SREBF1: variants seen among roughly 807,000 people sequenced by gnomAD.
SREBF1 encodes sterol regulatory element-binding protein 1.
In SREBF1, 45 loss-of-function variants were observed where a neutral mutation model predicts 100.1. That is an observed-to-expected ratio of 0.45 (90% confidence interval 0.35 to 0.58). SREBF1 has a LOEUF of 0.58. Ranked by LOEUF, SREBF1 falls within the 20% of genes least tolerant of loss-of-function variation. The pLI is 0.00. For missense variants in SREBF1, 1,324 were observed against 1,539.4 expected (o/e 0.86, Z 2.34); for synonymous variants, 657 against 681.8 (o/e 0.96, Z 0.57).
chr17:17,818,422 C>A, intron 5 of SREBF1, 48 bp from the exon 6 acceptor site: 1 of 1,476,764 alleles, frequency 6.8e-7, no homozygotes, highest in South Asian at 1.1e-5. Flanking sequence ...CCTGTCAGGT[C>A]GGGGGTTGTG....
In SREBF1 at chr17:17,816,869, G is replaced by A. The variant is rs2033647119; in HGVS notation, c.1785+89C>T. ...GGAGGACGGGACAGATTCATGGTGTGCACAGGGAGCAGGAACAAGGGTTGA... is the reference window on the plus strand; with the variant it reads ...GGAGGACGGGACAGATTCATGGTGTACACAGGGAGCAGGAACAAGGGTTGA... On this transcript the variant is annotated intron_variant, in intron 9 of 18. Coordinates refer to ENST00000261646, the MANE Select transcript of SREBF1 (RefSeq NM_004176.5). 3 of 1,596,612 alleles carry A rather than the reference G, an allele frequency of 1.9e-6. No homozygotes were observed. The Admixed American group carries it at 5.0e-5, about 27-fold the overall frequency.
chr17:17,823,841 G>A (rs1166554642), intron 1 of SREBF1, among the ~76,000 whole-genome samples: 2 of 151,936 alleles, frequency 1.3e-5, no homozygotes, highest in Admixed American at 1.3e-4. Context: ...GGCGGCGGGG[G>A]CTCGAGTTTC....
intron 1 of SREBF1, among the ~76,000 whole-genome samples, chr17:17,823,906 G>T (rs1046600843): frequency 1.3e-5 from 2 of 152,014 alleles, no homozygotes; most frequent in African/African-American, 4.8e-5. Context: ...CCTTTAACCC[G>T]CTCGGTGCCA....
rs1184327590 is a variant in SREBF1 at position 17,817,496 on chromosome 17, G to A, written c.1405-39C>T. ...GCAGGGTGGTGAGGGCAGAATCGGA[G>A]GGACCCCAGAGAGCATGGGGCTGGG... On this transcript the variant is annotated intron_variant, in intron 7 of 18. Coordinates refer to ENST00000261646, the MANE Select transcript of SREBF1 (RefSeq NM_004176.5). The surrounding 1 kb of genome is among the most constrained non-coding windows in gnomAD (Gnocchi z 6.6). 4 of 1,559,734 alleles carry A rather than the reference G, an allele frequency of 2.6e-6. No individual in the cohort carries two copies. Among genetic ancestry groups the A allele is most frequent in the Middle Eastern group, 1.7e-4 (1 of 6,022 alleles).
rs565300608 is a variant in SREBF1, at chr17:17,836,901, C to T, written c.-84G>A. The T allele has an allele frequency of 1.0e-5, 13 of 1,287,076 alleles. No individual in the cohort carries two copies. The highest frequency in any genetic ancestry group is 9.0e-5 in the East Asian group (3 of 33,188). 79.7% of individuals were successfully genotyped at this position (1,287,076 alleles called of 1,614,324 possible). On this transcript the variant is annotated 5_prime_UTR_variant, in exon 1 of 19. Coordinates refer to ENST00000261646, the MANE Select transcript of SREBF1 (RefSeq NM_004176.5). ...AGGGAGCGCCGCCGCGGCCCCGGCT[C>T]TCAGTCGCCGCCGCCGCTCCGCGCG...
chr17:17,825,685 G>A (rs1192730317), intron 1 of SREBF1, among the ~76,000 whole-genome samples: 3 of 144,968 alleles, frequency 2.1e-5, no homozygotes, highest in African/African-American at 7.8e-5. Context: ...TCAGCTCACT[G>A]CAACCTCTAC....
chr17:17,812,656 C>T lies in SREBF1; in HGVS notation c.3410G>A (p.Arg1137His), dbSNP rs1443125749. The stretch of plus-strand genomic sequence containing the variant: ...AGTGACAGTGGTCCCACCGCCCAGG[C>T]GCATGAGCATCTGCTGACAGTCGTG... The part of the protein sequence containing the change: ...LLHDCQQMLM[R>H]LGGGTTVTSS The change falls in exon 19 of 19, where the codon CGC (arginine) becomes CAC (histidine). Residue 1137 changes from arginine to histidine, a missense_variant. By Grantham distance (29) the Arg-to-His change is conservative (BLOSUM62 0). Transcript: ENST00000261646. 1 of 1,608,252 alleles carries T rather than the reference C, an allele frequency of 6.2e-7. No homozygotes were observed. The highest frequency in any genetic ancestry group is 1.1e-5 in the South Asian group (1 of 90,106).
At position 17,819,331 on chromosome 17, in the gene SREBF1, CT is replaced by C; in HGVS notation, c.834del (p.Pro280LeufsTer6). On this transcript the variant is annotated frameshift_variant, in exon 4 of 19. Transcript: ENST00000261646. LOFTEE classifies it high-confidence loss of function. Reference protein sequence around the residue: ...SPLVSGTTVQTGPLPTLVSGG... With the variant: ...SPLVSGTTVQXGPLPTLVSGG... Reference sequence around the variant, plus strand: ...CCCACGTCACCCACCGGCAAAGGCCCTGTCTGCACAGTGGTGCCAGAGACCA... The same window carrying C: ...CCCACGTCACCCACCGGCAAAGGCCCGTCTGCACAGTGGTGCCAGAGACCA... 1 of 1,613,836 alleles carries C rather than the reference CT, an allele frequency of 6.2e-7. No homozygotes were observed. The highest frequency in any genetic ancestry group is 1.6e-4 in the Middle Eastern group (1 of 6,062).
At chr17:17,833,343 C>T (rs1286119069) in intron 1 of SREBF1, among the ~76,000 whole-genome samples, 2 of 140,176 alleles carry the variant, frequency 1.4e-5, no homozygotes, top group African/African-American at 5.5e-5. Flanking sequence ...ACTGTTTGAA[C>T]CTGGGAGGCG....
rs996966698 is a variant in SREBF1 at position 17,825,190 on chromosome 17, A to C, written c.92-4669T>G. 2.9e-4 allele frequency among the ~76,000 whole-genome samples: 44 copies of C among 152,222 alleles called. 1 individual carries two copies. Among genetic ancestry groups the C allele is most frequent in the Non-Finnish European group, 2.2e-4 (15 of 68,042 alleles). On this transcript the variant is annotated intron_variant, in intron 1 of 18. Transcript: ENST00000261646. Reference sequence around the variant, plus strand: ...CAACAAGCAGATACTAGCCTGAGACAGCAGGGCCAGGGCCACTGTGAACAG... The same window carrying C: ...CAACAAGCAGATACTAGCCTGAGACCGCAGGGCCAGGGCCACTGTGAACAG...
rs998975978 is a variant in SREBF1 at position 17,811,945 on chromosome 17, G to C, written c.*677C>G. Reference sequence around the variant, plus strand: ...CTCCTCCCACTAACAAACAAACATCGGGAAGAGCTAAGTTAAAAGTTGTGT... The same window carrying C: ...CTCCTCCCACTAACAAACAAACATCCGGAAGAGCTAAGTTAAAAGTTGTGT... On this transcript the variant is annotated 3_prime_UTR_variant, in exon 19 of 19. Transcript: ENST00000261646. 2.7e-5 allele frequency: 12 copies of C among 447,690 alleles called. No individual in the cohort carries two copies. Among genetic ancestry groups the C allele is most frequent in the Non-Finnish European group, 4.9e-5 (11 of 224,204 alleles). 27.7% of individuals were successfully genotyped at this position (447,690 alleles called of 1,614,324 possible). A position where few individuals can be genotyped will look rare whatever the true frequency, so the allele number is the denominator to read the frequency against.
chr17:17,814,616 C>G lies in SREBF1; in HGVS notation c.2734G>C (p.Glu912Gln). The G allele has an allele frequency of 6.5e-7, 1 of 1,541,230 alleles. No homozygotes were observed. The highest frequency in any genetic ancestry group is 8.7e-7 in the Non-Finnish European group (1 of 1,148,094). The change falls in exon 15 of 19, where the codon GAG becomes CAG. Residue 912 changes from glutamate to glutamine, a missense_variant and splice_region_variant. By Grantham distance (29) the Glu-to-Gln change is conservative. Transcript: ENST00000261646. ...AGGAGGAACCTGCCGTGCACTCACT[C>G]AGACTCCTGCAGCACCCGGGGCAGG... ...EHLPRVLQES[E>Q]RPLPRAALHS...
In SREBF1 at chr17:17,813,489, A is replaced by G. The variant is rs1380359842; in HGVS notation, c.3103-10T>C. On this transcript the variant is annotated splice_polypyrimidine_tract_variant and intron_variant, in intron 17 of 18. Transcript: ENST00000261646. Reference sequence around the variant, plus strand: ...CCTCATGTAGGAACACCTGGGGGCCAGGAGAGTGGAGGCTCAGGGCTCTCC... The same window carrying G: ...CCTCATGTAGGAACACCTGGGGGCCGGGAGAGTGGAGGCTCAGGGCTCTCC... 1 of 1,592,768 alleles carries G rather than the reference A, an allele frequency of 6.3e-7. No individual in the cohort carries two copies. Among genetic ancestry groups the G allele is most frequent in the Admixed American group, 1.7e-5 (1 of 57,730 alleles).
intron 1 of SREBF1, among the ~76,000 whole-genome samples, chr17:17,827,432 C>T (rs2034560045): frequency 6.6e-6 from 1 of 152,192 alleles, no homozygotes; most frequent in Non-Finnish European, 1.5e-5. Flanking sequence ...TGGGTGCCCA[C>T]CATCCCTCCA....
At position 17,819,143 on chromosome 17, in the gene SREBF1, T is replaced by C; in HGVS notation, c.938A>G (p.Lys313Arg). 7 of 1,614,182 alleles carry C rather than the reference T, an allele frequency of 4.3e-6. No individual in the cohort carries two copies. The highest frequency in any genetic ancestry group is 5.1e-6 in the Non-Finnish European group (6 of 1,180,042). ...LPINRLAAGS[K>R]APASAQSRGE... Reference sequence around the variant, plus strand: ...ACGGCTCTGGGCAGAGGCCGGGGCCTTGCTGCCAGCTGCGAGCCGGTTGAT... The same window carrying C: ...ACGGCTCTGGGCAGAGGCCGGGGCCCTGCTGCCAGCTGCGAGCCGGTTGAT... The change falls in exon 5 of 19, where the codon AAG becomes AGG. Residue 313 changes from lysine to arginine, a missense_variant. Transcript: ENST00000261646.
chr17:17,834,967 T>C (rs1461854358), intron 1 of SREBF1, among the ~76,000 whole-genome samples: 1 of 151,954 alleles, frequency 6.6e-6, no homozygotes, highest in East Asian at 1.9e-4. Context: ...TGAGCCAAAA[T>C]TGCGCCACTG....
chr17:17,818,399 A>C, intron 5 of SREBF1, 25 bp from the exon 6 acceptor site: 9 of 1,570,350 alleles, frequency 5.7e-6, no homozygotes, highest in East Asian at 2.2e-5. Flanking sequence ...AGGGAGGGGG[A>C]GCGCACAGGT....
intron 1 of SREBF1, among the ~76,000 whole-genome samples, chr17:17,833,220 G>A (rs537541432): frequency 2.0e-5 from 3 of 151,106 alleles, no homozygotes; most frequent in African/African-American, 4.9e-5. Context: ...TCAGGAGATC[G>A]AGACCATCCT....
In SREBF1 at chr17:17,811,800, C is replaced by G. The variant is rs984838830; in HGVS notation, c.*822G>C. On this transcript the variant is annotated 3_prime_UTR_variant, in exon 19 of 19. Coordinates refer to ENST00000261646, the MANE Select transcript of SREBF1 (RefSeq NM_004176.5). Reference sequence around the variant, plus strand: ...ACCCAGGGACCTGATGGGGACAGAGCTGGGAGGTGAGAAGGGACAACTGAC... The same window carrying G: ...ACCCAGGGACCTGATGGGGACAGAGGTGGGAGGTGAGAAGGGACAACTGAC... 3.1e-5 allele frequency: 14 copies of G among 453,146 alleles called. No individual in the cohort carries two copies. The highest frequency in any genetic ancestry group is 7.1e-5 in the Admixed American group (3 of 42,062). 28.1% of individuals were successfully genotyped at this position (453,146 alleles called of 1,614,324 possible). A position where few individuals can be genotyped will look rare whatever the true frequency, so the allele number is the denominator to read the frequency against.
Sources: allele counts gnomAD v4.1 joint callset (sites outside exome capture counted in the v4.1 genomes callset), GRCh38; gene constraint gnomAD v4.1.1; non-coding constraint Gnocchi (gnomAD v3.1); transcripts MANE v1.5; gene names NCBI Gene and HGNC (gene_info 2026-07-23, HGNC 2026-07-21).